Variants in DDX19B observed in about 807,000 individuals in gnomAD.
DDX19B encodes the protein ATP-dependent RNA helicase DDX19B.
In DDX19B, 27 loss-of-function variants were observed where a neutral mutation model predicts 58.1. The observed-to-expected ratio is 0.46, with a 90% confidence interval of 0.34 to 0.64. The LOEUF (loss-of-function observed/expected upper bound fraction) is 0.64, where lower values mean the gene tolerates loss of function less well. DDX19B is among the 30% of genes least tolerant of loss of function. The probability of loss-of-function intolerance (pLI) is 0.01; values close to 1 mark genes in which losing one functional copy is unlikely to be tolerated. For synonymous variants in DDX19B, 187 were observed against 214.4 expected, an observed-to-expected ratio of 0.87 and a Z score of 1.12; for missense variants, 399 against 596.5, an observed-to-expected ratio of 0.67 and a Z score of 3.45.
At chr16:70,294,966 G>T, upstream of DDX19B, 1 of 1,455,970 alleles carries the variant, frequency 6.9e-7, no homozygotes, top group Non-Finnish European at 9.0e-7. Flanking sequence ...CCACGTTTAG[G>T]TGCCTTCCTC....
chr16:70,312,743 T>G (rs947436713), intron 2 of DDX19B, 86 bp downstream of exon 2: 22 of 1,186,398 alleles, frequency 1.9e-5, no homozygotes, highest in Non-Finnish European at 2.3e-5. Context: ...GAAAAAAATT[T>G]GTATTTGTAC....
At chr16:70,296,991 C>G (rs1189203611), upstream of DDX19B, among the ~76,000 whole-genome samples, 1 of 152,164 alleles carries the variant, frequency 6.6e-6, no homozygotes. Context: ...TCTTGGCTCA[C>G]TGCAACCTCC....
At chr16:70,324,930 A>C (rs1311289266) in intron 6 of DDX19B, among the ~76,000 whole-genome samples, 2 of 152,222 alleles carry the variant, frequency 1.3e-5, no homozygotes, top group Non-Finnish European at 2.9e-5. Context: ...ATGTGCCTGT[A>C]ATCCCAGCTA....
At chr16:70,330,912 G>T (rs916769752) in intron 9 of DDX19B, among the ~76,000 whole-genome samples, 3 of 152,026 alleles carry the variant, frequency 2.0e-5, no homozygotes, top group Admixed American at 1.3e-4. Context: ...AGGCGTGGTG[G>T]TGCATGCCTG....
At chr16:70,325,755 C>A in intron 7 of DDX19B, 67 bp downstream of exon 7, 1 of 1,164,414 alleles carries the variant, frequency 8.6e-7, no homozygotes, top group Non-Finnish European at 1.3e-6. Flanking sequence ...TTTCAAAACC[C>A]ACCCAATAGT....
intron 7 of DDX19B, among the ~76,000 whole-genome samples, chr16:70,326,982 C>A (rs1370867251): frequency 6.6e-6 from 1 of 151,716 alleles, no homozygotes. Context: ...CTACAGGCGC[C>A]CACCACTACG....
chr16:70,308,226 TA>T (rs1961874144), intron 1 of DDX19B, among the ~76,000 whole-genome samples: 1 of 151,622 alleles, frequency 6.6e-6, no homozygotes. Context: ...GTGCTGGGAT[TA>T]CAGGCGTGAG....
At chr16:70,293,752 C>T (rs1961120492), upstream of DDX19B, among the ~76,000 whole-genome samples, 1 of 150,364 alleles carries the variant, frequency 6.7e-6, no homozygotes, top group South Asian at 2.1e-4. Context: ...GCTGGGACTA[C>T]AGGCGCCCGC....
Position 70,314,618 on chromosome 16 carries a change from C to T in DDX19B, c.107-284C>T, listed in dbSNP as rs376690075. Among the ~76,000 whole-genome samples the T allele has an allele frequency of 2.9e-4, 44 of 152,096 alleles. No homozygotes were observed. In the East Asian group the frequency reaches 8.3e-3, roughly 29 times the overall value. On this transcript the variant is annotated intron_variant, in intron 2 of 11. Coordinates refer to ENST00000288071, the MANE Select transcript of DDX19B (RefSeq NM_007242.7). ...GGCAGAGCTTGTAGTGAGTTGAGAT[C>T]GCACCACTGCACTCCAGCCTGGGCG...
intron 1 of DDX19B, among the ~76,000 whole-genome samples, chr16:70,309,041 CTTTT>C (rs532413880): frequency 6.8e-6 from 1 of 146,486 alleles, no homozygotes; most frequent in Non-Finnish European, 1.5e-5. Context: ...ATAATGATTT[CTTTT>C]TTTTTTTGTT....
chr16:70,299,489 T>A, intron 1 of DDX19B, 135 bp downstream of exon 1: 1 of 1,087,852 alleles, frequency 9.2e-7, no homozygotes, highest in East Asian at 3.0e-5. Flanking sequence ...GCCTGGACCC[T>A]GAGCTGGCTT....
chr16:70,309,882 T>G (rs1961992924), intron 1 of DDX19B, among the ~76,000 whole-genome samples: 1 of 145,802 alleles, frequency 6.9e-6, no homozygotes, highest in African/African-American at 2.5e-5. Flanking sequence ...AAACCACCAA[T>G]TAAAACATTT....
At chr16:70,326,589 T>C (rs1327276346) in intron 7 of DDX19B, among the ~76,000 whole-genome samples, 1 of 152,070 alleles carries the variant, frequency 6.6e-6, no homozygotes, top group African/African-American at 2.4e-5. Context: ...CAGGCTGGAG[T>C]ACAGTGGCAT....
At chr16:70,322,755 G>A (rs1344984114) in intron 5 of DDX19B, among the ~76,000 whole-genome samples, 1 of 151,958 alleles carries the variant, frequency 6.6e-6, no homozygotes, top group Non-Finnish European at 1.5e-5. Flanking sequence ...AGCCAGACGT[G>A]GTGGCAGGCA....
At chr16:70,331,322 C>T (rs1220540638) in intron 9 of DDX19B, among the ~76,000 whole-genome samples, 1 of 152,144 alleles carries the variant, frequency 6.6e-6, no homozygotes, top group Non-Finnish European at 1.5e-5. Flanking sequence ...CCTAAGACTA[C>T]AGGCACGAGC....
upstream of DDX19B, chr16:70,294,857 T>C (rs943502761): frequency 2.6e-6 from 4 of 1,523,058 alleles, no homozygotes; most frequent in African/African-American, 4.1e-5. Flanking sequence ...TGGCTGGGGC[T>C]GCCGGGCGCG....
upstream of DDX19B, chr16:70,294,931 A>G: frequency 6.6e-7 from 1 of 1,515,630 alleles, no homozygotes; most frequent in African/African-American, 1.4e-5. Context: ...AGTATCTGCG[A>G]GGGTAGAAGC....
intron 8 of DDX19B, 126 bp from the exon 9 acceptor site, chr16:70,329,705 C>T: frequency 7.3e-7 from 1 of 1,366,556 alleles, no homozygotes; most frequent in Non-Finnish European, 1.0e-6. Context: ...CCTGCTGCTC[C>T]TCCTCCCCAA....
intron 1 of DDX19B, among the ~76,000 whole-genome samples, chr16:70,311,202 T>G (rs1003806641): frequency 6.7e-6 from 1 of 148,934 alleles, no homozygotes; most frequent in African/African-American, 2.5e-5. Context: ...TGAAACCCCA[T>G]CTCTTAAAAA....
Sources: allele counts gnomAD v4.1 joint callset (sites outside exome capture counted in the v4.1 genomes callset), GRCh38; gene constraint gnomAD v4.1.1; transcripts MANE v1.5; gene names NCBI Gene and HGNC (gene_info 2026-07-23, HGNC 2026-07-21).